FAT3: variants seen among roughly 807,000 people sequenced by gnomAD.
FAT3 encodes FAT atypical cadherin 3.
FAT3 carries 95 observed loss-of-function variants against 310.2 expected under a neutral mutation model. The observed-to-expected ratio is 0.31, with a 90% CI of 0.26 to 0.36. The LOEUF is 0.36. Ranked by LOEUF, FAT3 falls within the 10% of genes least tolerant of loss-of-function variation. The probability of loss-of-function intolerance (pLI) is 1.00; values close to 1 mark genes in which losing one functional copy is unlikely to be tolerated. For missense variants in FAT3, 5,408 were observed against 5,715.6 expected (o/e 0.95, Z 1.74); for synonymous variants, 2,314 against 2,192.9 (o/e 1.06, Z -1.54).
chr11:92,361,997 G>A (rs1045449915), intron 2 of FAT3, among the ~76,000 whole-genome samples: 5 of 152,220 alleles, frequency 3.3e-5, no homozygotes, highest in African/African-American at 1.2e-4. Context: ...TGTGCACACT[G>A]CTTTAAACAG....
intron 3 of FAT3, among the ~76,000 whole-genome samples, chr11:92,542,605 A>T (rs1018094778): frequency 6.6e-6 from 1 of 152,200 alleles, no homozygotes; most frequent in Middle Eastern, 3.4e-3. Context: ...AACATTACTT[A>T]TCATCAGAGA....
intron 3 of FAT3, among the ~76,000 whole-genome samples, chr11:92,671,319 C>T (rs992399533): frequency 6.6e-6 from 1 of 152,142 alleles, no homozygotes; most frequent in Non-Finnish European, 1.5e-5. Flanking sequence ...GCTGGAATTA[C>T]AGGTGTGTTG....
rs781155754 is a variant in FAT3, at chr11:92,840,666, AGAG to A, written c.10480_10482del (p.Glu3494del). The A allele has an allele frequency of 1.9e-6, 3 of 1,613,156 alleles. No individual in the cohort carries two copies. The highest frequency in any genetic ancestry group is 2.2e-5 in the South Asian group (2 of 91,044). ...CATTCTCTATTTTGTCGGGAAATGAAGAGGAGGAGTTTGTGTTGGACCCTCATG... is the reference window on the plus strand; with the variant it reads ...CATTCTCTATTTTGTCGGGAAATGAAGAGGAGTTTGTGTTGGACCCTCATG... On this transcript the variant is annotated inframe_deletion, in exon 18 of 28. Coordinates refer to ENST00000525166, the MANE Select transcript of FAT3 (RefSeq NM_001367949.2).
At chr11:92,350,925 G>A (rs970120520) in intron 1 of FAT3, among the ~76,000 whole-genome samples, 1 of 152,184 alleles carries the variant, frequency 6.6e-6, no homozygotes, top group East Asian at 1.9e-4. Flanking sequence ...ATATTTGGGG[G>A]TTCTAAAAAT....
In FAT3 at chr11:92,567,221, C is replaced by T. The variant is rs562329279; in HGVS notation, c.3607+42273C>T. 4.7e-4 allele frequency among the ~76,000 whole-genome samples: 52 copies of T among 110,774 alleles called. 2 individuals are homozygous for T. The highest frequency in any genetic ancestry group is 1.6e-3 in the African/African-American group (45 of 27,324). The allele number at this position is 110,774 out of a possible 152,430, so 72.7% of individuals were successfully genotyped here. A position where few individuals can be genotyped will look rare whatever the true frequency, so the allele number is the denominator to read the frequency against. On this transcript the variant is annotated intron_variant, in intron 3 of 27. Coordinates refer to ENST00000525166, the MANE Select transcript of FAT3 (RefSeq NM_001367949.2). ...AAACAAAACCCCATCAAAAAGTGGG[C>T]GAAGGACATGAACAGACACTTCTCA...
intron 2 of FAT3, among the ~76,000 whole-genome samples, chr11:92,510,214 C>G (rs893067218): frequency 3.9e-5 from 6 of 152,094 alleles, no homozygotes; most frequent in African/African-American, 1.4e-4. Flanking sequence ...ATGTTACAAC[C>G]TCCACGTTTT....
At chr11:92,436,441 C>A (rs1479023208) in intron 2 of FAT3, among the ~76,000 whole-genome samples, 1 of 152,190 alleles carries the variant, frequency 6.6e-6, no homozygotes, top group African/African-American at 2.4e-5. Flanking sequence ...TGTGCTTGGC[C>A]TCTCCCTTTA....
chr11:92,542,560 A>C (rs11019989), intron 3 of FAT3, among the ~76,000 whole-genome samples: 22,992 of 152,010 alleles, frequency 0.15, 1,916 homozygotes, highest in East Asian at 0.29. Flanking sequence ...CAAAGAAGAC[A>C]TACGAATGGC....
intron 3 of FAT3, among the ~76,000 whole-genome samples, chr11:92,689,810 A>G (rs1181836766): frequency 2.6e-5 from 4 of 152,128 alleles, no homozygotes; most frequent in Non-Finnish European, 5.9e-5. Flanking sequence ...TATACAGAGG[A>G]GGAGGACTTT....
chr11:92,468,594 A>G (rs1297150006), intron 2 of FAT3, among the ~76,000 whole-genome samples: 1 of 152,142 alleles, frequency 6.6e-6, no homozygotes, highest in African/African-American at 2.4e-5. Flanking sequence ...CATACCCAAG[A>G]CTGGGTGATT....
chr11:92,736,626 A>G (rs1327638598), intron 4 of FAT3, among the ~76,000 whole-genome samples: 1 of 152,190 alleles, frequency 6.6e-6, no homozygotes, highest in Non-Finnish European at 1.5e-5. Context: ...CCAGGCCATT[A>G]GCATTGTCCT....
intron 3 of FAT3, among the ~76,000 whole-genome samples, chr11:92,532,430 T>C (rs11019984): frequency 0.059 from 8,984 of 152,242 alleles, 872 homozygotes; most frequent in African/African-American, 0.2. Context: ...TTTTCTATTG[T>C]TAACCCGCCT....
intron 1 of FAT3, among the ~76,000 whole-genome samples, chr11:92,340,416 G>A (rs946771857): frequency 6.6e-6 from 1 of 152,200 alleles, no homozygotes; most frequent in African/African-American, 2.4e-5. Context: ...CTCATTGGCT[G>A]TGAAGTGTAA....
Position 92,549,273 on chromosome 11 carries a change from C to T in FAT3, c.3607+24325C>T, listed in dbSNP as rs57945139. On this transcript the variant is annotated intron_variant, in intron 3 of 27. Coordinates refer to ENST00000525166, the MANE Select transcript of FAT3 (RefSeq NM_001367949.2). ...TTTTCATTTAGGGCCAGCAATAATCCGTATTTTGATTCAAGCAGAACTAGT... is the reference window on the plus strand; with the variant it reads ...TTTTCATTTAGGGCCAGCAATAATCTGTATTTTGATTCAAGCAGAACTAGT... 5.3e-5 allele frequency among the ~76,000 whole-genome samples: 8 copies of T among 152,178 alleles called. No individual in the cohort carries two copies. The South Asian group carries it at 8.3e-4, about 16-fold the overall frequency.
intron 19 of FAT3, among the ~76,000 whole-genome samples, chr11:92,847,918 AAC>A (rs112590185): frequency 0.083 from 12,311 of 148,242 alleles, 1,543 homozygotes; most frequent in African/African-American, 0.27. Flanking sequence ...CCTCCCCCCA[AAC>A]ACACACACAC....
chr11:92,859,065 C>A (rs1949055031), intron 20 of FAT3, 100 bp from the exon 21 acceptor site: 11 of 1,179,648 alleles, frequency 9.3e-6, no homozygotes, highest in Non-Finnish European at 1.2e-5. Context: ...CATGCATGGT[C>A]TTTAATCAAC....
intron 2 of FAT3, among the ~76,000 whole-genome samples, chr11:92,445,465 A>C (rs1951186501): frequency 6.6e-6 from 1 of 151,792 alleles, no homozygotes; most frequent in Non-Finnish European, 1.5e-5. Context: ...CAAGGAGGGG[A>C]AAAAAAATCT....
chr11:92,887,011 G>A lies in FAT3; in HGVS notation c.12949G>A (p.Asp4317Asn). ...WDAGTENKGV[D>N]DPGEVTCFAG... ...CACTGTCCATGAAGACAAAGGGGTT[G>A]ATGACCCGGGAGAAGTGACCTGCTT... The change falls in exon 25 of 28, where the codon GAT (aspartate) becomes AAT (asparagine). Residue 4317 changes from aspartate (D) to asparagine (N), a missense_variant. This residue lies in a region of FAT3 where 649 missense variants were observed against 666.2 expected (regional missense o/e 0.97). Coordinates refer to ENST00000525166, the MANE Select transcript of FAT3 (RefSeq NM_001367949.2). The A allele has an allele frequency of 6.2e-7, 1 of 1,604,834 alleles. No individual in the cohort carries two copies. The highest frequency in any genetic ancestry group is 8.5e-7 in the Non-Finnish European group (1 of 1,175,814).
At chr11:92,432,627 C>A (rs540222) in intron 2 of FAT3, among the ~76,000 whole-genome samples, 98,890 of 152,108 alleles carry the variant, frequency 0.65, 36,671 homozygotes, top group Non-Finnish European at 0.8. Context: ...CCTGCTCCTT[C>A]CTTTGGAAGA....
Sources: allele counts gnomAD v4.1 joint callset (sites outside exome capture counted in the v4.1 genomes callset), GRCh38; gene constraint gnomAD v4.1.1; regional missense constraint gnomAD v4.1.1; transcripts MANE v1.5; gene names NCBI Gene and HGNC (gene_info 2026-07-23, HGNC 2026-07-21).